The following SEC24D variants were observed in gnomAD, a reference collection of about 807,000 sequenced individuals.
SEC24D encodes protein transport protein Sec24D.
A neutral mutation model predicts 116.9 loss-of-function variants in SEC24D; 69 were observed. That is an observed-to-expected ratio of 0.59 (90% confidence interval 0.49 to 0.72). The LOEUF is 0.72. Among genes scored for constraint, SEC24D ranks in the 30% least tolerant of loss-of-function variants. The pLI is 0.00. For missense variants in SEC24D, 1,131 were observed against 1,264.1 expected, an observed-to-expected ratio of 0.89 and a Z score of 1.60; for synonymous variants, 405 against 442.8, an observed-to-expected ratio of 0.91 and a Z score of 1.07.
chr4:118,755,090 A>G (rs1011874328), intron 11 of SEC24D, among the ~76,000 whole-genome samples: 1 of 152,128 alleles, frequency 6.6e-6, no homozygotes, highest in African/African-American at 2.4e-5. Flanking sequence ...AACATCCTAC[A>G]TTATTGCAAA....
intron 6 of SEC24D, among the ~76,000 whole-genome samples, chr4:118,812,602 G>A (rs900772003): frequency 2.2e-4 from 33 of 151,356 alleles, no homozygotes; most frequent in African/African-American, 7.5e-4. Context: ...AGTTTGGCCG[G>A]GGCAGTCGGA....
intron 7 of SEC24D, among the ~76,000 whole-genome samples, chr4:118,804,389 TTGG>T (rs1178215937): frequency 6.6e-6 from 1 of 152,014 alleles, no homozygotes; most frequent in African/African-American, 2.4e-5. Context: ...GACGATGAGA[TTGG>T]TATATGAAGG....
intron 6 of SEC24D, among the ~76,000 whole-genome samples, chr4:118,807,271 A>G (rs780396174): frequency 6.6e-6 from 1 of 152,220 alleles, no homozygotes; most frequent in Non-Finnish European, 1.5e-5. Flanking sequence ...TAATGTGGAA[A>G]CATCTGATAT....
At chr4:118,819,192 G>A (rs758553571) in intron 3 of SEC24D, among the ~76,000 whole-genome samples, 3 of 152,044 alleles carry the variant, frequency 2.0e-5, no homozygotes, top group Non-Finnish European at 4.4e-5. Context: ...TTCCTAAGAC[G>A]AAAACATTTC....
rs565330441 is a variant in SEC24D at position 118,747,023 on chromosome 4, G to A, written c.1708-1963C>T. On this transcript the variant is annotated intron_variant, in intron 13 of 22. Coordinates refer to ENST00000280551, the MANE Select transcript of SEC24D (RefSeq NM_014822.4). The stretch of plus-strand genomic sequence containing the variant: ...CTTATTGTTGCATATGTCTTCCACC[G>A]AAAATTATTGATAGATGCAGCATTA... 6.6e-5 allele frequency among the ~76,000 whole-genome samples: 10 copies of A among 152,086 alleles called. No individual in the cohort carries two copies. The East Asian group carries it at 7.7e-4, about 12-fold the overall frequency.
rs371574610 is a variant in SEC24D, at chr4:118,732,298, G to A, written c.2676+435C>T. Reference sequence around the variant, plus strand: ...ATTACAGGCACATACCACCACGCCCGGCTAATTTTTTTGTATTTTTTAGTA... The same window carrying A: ...ATTACAGGCACATACCACCACGCCCAGCTAATTTTTTTGTATTTTTTAGTA... On this transcript the variant is annotated intron_variant, in intron 20 of 22. Coordinates refer to ENST00000280551, the MANE Select transcript of SEC24D (RefSeq NM_014822.4). Among the ~76,000 whole-genome samples, 34 of 151,934 alleles carry A rather than the reference G, an allele frequency of 2.2e-4. No homozygotes were observed. The South Asian group carries it at 5.2e-3, about 23-fold the overall frequency.
At chr4:118,739,330 T>C (rs1268851364) in intron 17 of SEC24D, 43 bp from the exon 18 acceptor site, 6 of 1,586,864 alleles carry the variant, frequency 3.8e-6, no homozygotes, top group African/African-American at 1.4e-5. Context: ...CTGATTAACA[T>C]ATCCACCCAA....
intron 8 of SEC24D, among the ~76,000 whole-genome samples, chr4:118,779,572 G>C (rs1464354844): frequency 6.6e-6 from 1 of 152,174 alleles, no homozygotes; most frequent in East Asian, 1.9e-4. Context: ...CTCTTTTTTT[G>C]TTGTGTCTCT....
In SEC24D at chr4:118,731,412, A is replaced by G. The variant is rs2110430347; in HGVS notation, c.2772T>C (p.Gly924=). The G allele has an allele frequency of 6.2e-7, 1 of 1,614,118 alleles. No homozygotes were observed. Among genetic ancestry groups the G allele is most frequent in the South Asian group, 1.1e-5 (1 of 91,082 alleles). ...CTCCCAACCACAGGAACATGTGTAGACCATTAGCCAGTAAGAATATTCCTT... is the reference window on the plus strand; with the variant it reads ...CTCCCAACCACAGGAACATGTGTAGGCCATTAGCCAGTAAGAATATTCCTT... ...SEEGIFLLAN[G]LHMFLWLGVS... Residue 924 remains glycine, a synonymous_variant, in exon 21 of 23, where the codon GGT becomes GGC. Coordinates refer to ENST00000280551, the MANE Select transcript of SEC24D (RefSeq NM_014822.4).
intron 21 of SEC24D, chr4:118,730,818 A>T (rs1725643629): frequency 6.5e-6 from 1 of 154,900 alleles, no homozygotes; most frequent in African/African-American, 2.4e-5. Context: ...AATCTGATTT[A>T]GTCTGTAGCC....
chr4:118,828,405 G>A (rs561733485), intron 2 of SEC24D, among the ~76,000 whole-genome samples: 5 of 152,186 alleles, frequency 3.3e-5, no homozygotes, highest in South Asian at 2.1e-4. Context: ...CACCGCACCC[G>A]GCCTTACATT....
intron 6 of SEC24D, among the ~76,000 whole-genome samples, chr4:118,806,523 T>C (rs1729686775): frequency 6.6e-6 from 1 of 151,834 alleles, no homozygotes; most frequent in African/African-American, 2.4e-5. Flanking sequence ...AGACAGGGTC[T>C]CCTCTCCCTA....
Position 118,757,796 on chromosome 4 carries a change from G to A in SEC24D, c.1346C>T (p.Ser449Leu). ...PPAFIFMIDV[S>L]YSNIKNGLVK... ...AAGTCCATTCTTTATGTTACTATAT[G>A]AAACATCAATCATGAAGATAAAGGC... Residue 449 changes from serine (S) to leucine (L), a missense_variant, in exon 11 of 23, where the codon TCA (serine) becomes TTA (leucine). Transcript: ENST00000280551. The A allele has an allele frequency of 6.2e-7, 1 of 1,611,794 alleles. No individual in the cohort carries two copies. Among genetic ancestry groups the A allele is most frequent in the Non-Finnish European group, 8.5e-7 (1 of 1,178,738 alleles).
chr4:118,800,038 G>A (rs1729362002), intron 7 of SEC24D, among the ~76,000 whole-genome samples: 2 of 152,150 alleles, frequency 1.3e-5, no homozygotes, highest in East Asian at 3.9e-4. Flanking sequence ...CTTGAGTGGT[G>A]CACAGGGAGA....
intron 13 of SEC24D, among the ~76,000 whole-genome samples, chr4:118,749,411 T>C (rs1726716374): frequency 6.6e-6 from 1 of 152,212 alleles, no homozygotes; most frequent in Admixed American, 6.5e-5. Flanking sequence ...TATATATAGA[T>C]TTTACTTGGC....
At chr4:118,786,362 T>A (rs1728664768) in intron 8 of SEC24D, among the ~76,000 whole-genome samples, 1 of 152,212 alleles carries the variant, frequency 6.6e-6, no homozygotes, top group Admixed American at 6.5e-5. Flanking sequence ...GGCCTTTTAT[T>A]CAATGGGAAC....
chr4:118,787,198 CTTG>C (rs1159767820), intron 8 of SEC24D, among the ~76,000 whole-genome samples: 3 of 152,076 alleles, frequency 2.0e-5, no homozygotes, highest in Non-Finnish European at 2.9e-5. Context: ...TCGAAAGTAA[CTTG>C]ATAAAACAAA....
chr4:118,815,458 C>T lies in SEC24D; in HGVS notation c.666G>A (p.Pro222=), dbSNP rs115118317. Residue 222 remains proline, a synonymous_variant, in exon 5 of 23, where the codon CCG becomes CCA. Coordinates refer to ENST00000280551, the MANE Select transcript of SEC24D (RefSeq NM_014822.4). ...GCACCCTGTCCGCCTTACCCTGCTG[C>T]GGAGGATATCCAGCACCCAAGGTCT... is the stretch of plus-strand genomic sequence containing the variant. ...PGQTLGAGYP[P]QQANSGPQMA... is the part of the protein sequence containing the mutation. 0.054 allele frequency: 87,420 copies of T among 1,613,404 alleles called. 2,867 individuals carry two copies. The highest frequency in any genetic ancestry group is 0.064 in the Non-Finnish European group (75,127 of 1,179,436).
intron 10 of SEC24D, among the ~76,000 whole-genome samples, chr4:118,762,096 T>C (rs1202513443): frequency 6.6e-6 from 1 of 151,972 alleles, no homozygotes; most frequent in Admixed American, 6.6e-5. Flanking sequence ...ACTACATTTT[T>C]GTTCAGAAAA....
Sources: allele counts gnomAD v4.1 joint callset (sites outside exome capture counted in the v4.1 genomes callset), GRCh38; gene constraint gnomAD v4.1.1; transcripts MANE v1.5; gene names NCBI Gene and HGNC (gene_info 2026-07-23, HGNC 2026-07-21).